AGMO: variants seen among roughly 807,000 people sequenced by gnomAD.
The protein encoded by AGMO is glyceryl-ether monooxygenase.
Under a neutral mutation model 60.2 loss-of-function variants are expected in AGMO, and 75 were observed. The observed-to-expected ratio is 1.25, with a 90% CI of 1.03 to 1.51. The LOEUF is 1.51. Among genes scored for constraint, AGMO ranks in the 40% most tolerant of loss-of-function variants. The pLI is 0.00. For missense variants in AGMO, 763 were observed against 525.5 expected (o/e 1.45, Z -4.42); for synonymous variants, 261 against 177.1 (o/e 1.47, Z -3.76).
At chr7:15,559,143 C>A (rs1470198486) in intron 2 of AGMO, among the ~76,000 whole-genome samples, 1 of 152,028 alleles carries the variant, frequency 6.6e-6, no homozygotes, top group Non-Finnish European at 1.5e-5. Context: ...TATTGAGTCC[C>A]AATATCATCT....
intron 3 of AGMO, among the ~76,000 whole-genome samples, chr7:15,493,745 A>G (rs1486797681): frequency 1.3e-5 from 2 of 152,142 alleles, no homozygotes; most frequent in African/African-American, 4.8e-5. Context: ...TGAATCCTTT[A>G]GAGTGCATAT....
chr7:15,365,298 T>C (rs7794148), intron 12 of AGMO, among the ~76,000 whole-genome samples: 85,024 of 148,452 alleles, frequency 0.57, 25,261 homozygotes, highest in African/African-American at 0.75. Context: ...GTTGATGATA[T>C]CAATCCAACT....
At chr7:15,289,345 C>G (rs1022306943) in intron 12 of AGMO, among the ~76,000 whole-genome samples, 3 of 151,704 alleles carry the variant, frequency 2.0e-5, no homozygotes, top group East Asian at 1.9e-4. Flanking sequence ...GTATGTATAG[C>G]TGTCTCTATA....
At chr7:15,315,505 CTT>C (rs1314303756) in intron 12 of AGMO, among the ~76,000 whole-genome samples, 1 of 151,356 alleles carries the variant, frequency 6.6e-6, no homozygotes, top group Non-Finnish European at 1.5e-5. Flanking sequence ...GCCCAGCTAA[CTT>C]TTGTATTTTT....
chr7:15,446,290 A>G (rs1365185356), intron 3 of AGMO, among the ~76,000 whole-genome samples: 2 of 152,148 alleles, frequency 1.3e-5, no homozygotes, highest in South Asian at 4.1e-4. Flanking sequence ...ATTTAAGTAC[A>G]TTTCTCCTAG....
At chr7:15,516,553 A>C in intron 3 of AGMO, among the ~76,000 whole-genome samples, 1 of 152,228 alleles carries the variant, frequency 6.6e-6, no homozygotes, top group East Asian at 1.9e-4. Context: ...CGGATTACTG[A>C]AGGCTGAATG....
intron 10 of AGMO, among the ~76,000 whole-genome samples, chr7:15,369,056 C>A (rs1002848147): frequency 2.0e-5 from 3 of 152,116 alleles, no homozygotes; most frequent in Non-Finnish European, 4.4e-5. Flanking sequence ...AAGACAAAAA[C>A]CTGTGGCTGG....
At position 15,318,721 on chromosome 7, in the gene AGMO, T is replaced by A. The variant is rs181959743; in HGVS notation, c.1263+46793A>T. ...CCTTTTAATTTAATTAAAATATTTT[T>A]AAAAATACGGGCTAGAATTATATTC... On this transcript the variant is annotated intron_variant, in intron 12 of 12. Coordinates refer to ENST00000342526, the MANE Select transcript of AGMO (RefSeq NM_001004320.2). Among the ~76,000 whole-genome samples the A allele has an allele frequency of 1.8e-3, 268 of 152,302 alleles. 1 individual carries two copies. The highest frequency in any genetic ancestry group is 6.1e-3 in the African/African-American group (254 of 41,580).
the AGMO span, among the ~76,000 whole-genome samples, chr7:15,147,394 T>C: frequency 2.0e-5 from 3 of 152,126 alleles, no homozygotes; most frequent in Non-Finnish European, 4.4e-5. Flanking sequence ...AAGGGACATC[T>C]TACATGGTGG....
the AGMO span, among the ~76,000 whole-genome samples, chr7:15,187,020 C>G: frequency 6.6e-6 from 1 of 152,192 alleles, no homozygotes; most frequent in Non-Finnish European, 1.5e-5. Flanking sequence ...ATTCATCTTT[C>G]CCACGCTGCT....
intron 12 of AGMO, among the ~76,000 whole-genome samples, chr7:15,234,873 G>C (rs187723380): frequency 1.7e-4 from 26 of 152,182 alleles, no homozygotes; most frequent in African/African-American, 6.0e-4. Context: ...CTTGTGTGCA[G>C]TACAAAAACA....
intron 12 of AGMO, among the ~76,000 whole-genome samples, chr7:15,354,497 T>C (rs1782437683): frequency 1.6e-4 from 1 of 6,078 alleles, no homozygotes; most frequent in Admixed American, 1.6e-3. Flanking sequence ...TACACACGTG[T>C]ATATATATAT....
rs529446294 is a variant in AGMO, at chr7:15,546,540, G to A, written c.258-1617C>T. On this transcript the variant is annotated intron_variant, in intron 2 of 12. Coordinates refer to ENST00000342526, the MANE Select transcript of AGMO (RefSeq NM_001004320.2). ...TCTTCCTGAGGGCAGACCTCTGCAG[G>A]TGTCCAAACCCCTCAACCTGACAGA... Among the ~76,000 whole-genome samples, 6 of 152,352 alleles carry A rather than the reference G, an allele frequency of 3.9e-5. No individual in the cohort carries two copies. In the South Asian group the frequency reaches 1.2e-3, roughly 32 times the overall value.
intron 10 of AGMO, among the ~76,000 whole-genome samples, chr7:15,372,145 G>C (rs1783244459): frequency 8.4e-6 from 1 of 118,706 alleles, no homozygotes; most frequent in Admixed American, 8.6e-5. Flanking sequence ...ATAATCAGTT[G>C]AACGTCTCTA....
chr7:15,437,577 C>T (rs938279267), intron 3 of AGMO, among the ~76,000 whole-genome samples: 6 of 148,628 alleles, frequency 4.0e-5, no homozygotes, highest in African/African-American at 1.5e-4. Flanking sequence ...CTCTGTCGCC[C>T]AGGCTCGAGT....
chr7:15,126,332 A>G, the AGMO span, among the ~76,000 whole-genome samples: 1 of 152,162 alleles, frequency 6.6e-6, no homozygotes, highest in African/African-American at 2.4e-5. Context: ...AAAAATATGC[A>G]AGAAATGTAA....
At chr7:15,389,366 AGT>A (rs1209389752) in intron 8 of AGMO, among the ~76,000 whole-genome samples, 1 of 152,186 alleles carries the variant, frequency 6.6e-6, no homozygotes, top group African/African-American at 2.4e-5. Context: ...GGGAGCTTTC[AGT>A]GTACCATTTC....
At chr7:15,308,944 G>T (rs1780689234) in intron 12 of AGMO, among the ~76,000 whole-genome samples, 1 of 152,110 alleles carries the variant, frequency 6.6e-6, no homozygotes, top group South Asian at 2.1e-4. Context: ...TTGGTCAAAT[G>T]GAGTGATTTG....
chr7:15,489,376 C>T (rs1284728931), intron 3 of AGMO, among the ~76,000 whole-genome samples: 2 of 152,082 alleles, frequency 1.3e-5, no homozygotes, highest in Non-Finnish European at 2.9e-5. Flanking sequence ...AGCAGGAAAG[C>T]AGGCAGGAAC....
Sources: gnomAD v4.1 joint callset for allele counts (sites outside exome capture counted in the v4.1 genomes callset) on GRCh38, gnomAD v4.1.1 for gene constraint, MANE v1.5 for transcripts, NCBI Gene and HGNC (gene_info 2026-07-23, HGNC 2026-07-21) for gene names.